The following SORBS2 variants were observed in gnomAD, a reference collection of about 807,000 sequenced individuals.
The protein encoded by SORBS2 is sorbin and SH3 domain-containing protein 2.
SORBS2 carries 46 observed loss-of-function variants against 97.7 expected under a neutral mutation model. The observed-to-expected ratio is 0.47, with a 90% CI of 0.37 to 0.60. SORBS2 has a LOEUF of 0.60. Ranked by LOEUF, SORBS2 falls within the 20% of genes least tolerant of loss-of-function variation. The probability of loss-of-function intolerance (pLI) is 0.00; values close to 1 mark genes in which losing one functional copy is unlikely to be tolerated. For synonymous variants in SORBS2, 476 were observed against 473.4 expected (o/e 1.01, Z -0.07); for missense variants, 1,316 against 1,282.3 (o/e 1.03, Z -0.40).
chr4:185,679,342 T>A (rs1245587236), intron 2 of SORBS2, among the ~76,000 whole-genome samples: 7 of 152,164 alleles, frequency 4.6e-5, no homozygotes, highest in African/African-American at 1.7e-4. Context: ...AGACTGAGTT[T>A]TTTTCCTATT....
intron 1 of SORBS2, among the ~76,000 whole-genome samples, chr4:185,793,444 T>C (rs1584936491): frequency 6.6e-6 from 1 of 152,254 alleles, no homozygotes; most frequent in South Asian, 2.1e-4. Context: ...GACCAGAAGA[T>C]ACAAGAGTGT....
At chr4:185,821,380 G>C (rs533039486) in intron 1 of SORBS2, among the ~76,000 whole-genome samples, 6 of 152,242 alleles carry the variant, frequency 3.9e-5, no homozygotes, top group Admixed American at 3.9e-4. Flanking sequence ...AGAACTTTGG[G>C]CCTTATCTTC....
At chr4:185,600,842 G>C (rs969800314) in intron 12 of SORBS2, among the ~76,000 whole-genome samples, 1 of 151,924 alleles carries the variant, frequency 6.6e-6, no homozygotes, top group Non-Finnish European at 1.5e-5. Flanking sequence ...AGGCCTTTTT[G>C]GGGGGAAACA....
chr4:185,801,680 C>A (rs986388607), intron 1 of SORBS2, among the ~76,000 whole-genome samples: 9 of 150,234 alleles, frequency 6.0e-5, no homozygotes, highest in Non-Finnish European at 1.2e-4. Flanking sequence ...CTCTCTCTCT[C>A]TCTCTCTCTC....
chr4:185,662,475 A>G (rs2097536446), intron 4 of SORBS2, among the ~76,000 whole-genome samples: 2 of 152,328 alleles, frequency 1.3e-5, no homozygotes, highest in South Asian at 4.1e-4. Flanking sequence ...GTGGTTAGGA[A>G]GAATGAAAGT....
intron 13 of SORBS2, among the ~76,000 whole-genome samples, chr4:185,592,524 C>A (rs528163325): frequency 6.6e-6 from 1 of 152,034 alleles, no homozygotes. Flanking sequence ...AATGACAAGT[C>A]GTATTTAGTG....
At chr4:185,668,007 C>T (rs2097646619) in intron 4 of SORBS2, among the ~76,000 whole-genome samples, 1 of 152,068 alleles carries the variant, frequency 6.6e-6, no homozygotes, top group Non-Finnish European at 1.5e-5. Flanking sequence ...AAGGATGTTT[C>T]CATGTAATAC....
At chr4:185,666,251 C>A in intron 4 of SORBS2, 3 of 1,024,256 alleles carry the variant, frequency 2.9e-6, no homozygotes, top group Non-Finnish European at 4.0e-6. Flanking sequence ...ATCCAATTAA[C>A]AAAAGTACCT....
At chr4:185,740,593 T>C (rs2098716394) in intron 2 of SORBS2, among the ~76,000 whole-genome samples, 2 of 152,056 alleles carry the variant, frequency 1.3e-5, no homozygotes, top group African/African-American at 4.8e-5. Context: ...AATAGGCAGC[T>C]CAGCCCAACA....
intron 1 of SORBS2, among the ~76,000 whole-genome samples, chr4:185,826,526 T>C (rs2153671862): frequency 6.6e-6 from 1 of 152,332 alleles, no homozygotes; most frequent in African/African-American, 2.4e-5. Flanking sequence ...TCCTGTGAGC[T>C]ACTGAGGATA....
At chr4:185,880,436 T>C (rs4343763) in intron 1 of SORBS2, among the ~76,000 whole-genome samples, 96,309 of 152,034 alleles carry the variant, frequency 0.63, 30,850 homozygotes, top group Middle Eastern at 0.74. Context: ...ATATTATGCC[T>C]TGTTGAAGCT....
At chr4:185,941,080 C>T (rs1271801809) in intron 1 of SORBS2, among the ~76,000 whole-genome samples, 4 of 152,128 alleles carry the variant, frequency 2.6e-5, no homozygotes, top group East Asian at 1.9e-4. Flanking sequence ...CCATGCCATT[C>T]GTCTACTTCG....
intron 1 of SORBS2, among the ~76,000 whole-genome samples, chr4:185,897,641 C>G (rs563360181): frequency 6.6e-6 from 1 of 152,300 alleles, no homozygotes; most frequent in South Asian, 2.1e-4. Flanking sequence ...ACCATAACTA[C>G]TGCAGTCTGA....
At chr4:185,687,341 T>A (rs1414815938) in intron 2 of SORBS2, among the ~76,000 whole-genome samples, 3 of 152,218 alleles carry the variant, frequency 2.0e-5, no homozygotes, top group Non-Finnish European at 4.4e-5. Flanking sequence ...CTGTAAATCA[T>A]TTTAGATCAG....
rs140942266 is a variant in SORBS2, at chr4:185,728,762, G to A, written c.-198+46465C>T. ...CATCTCCCAGGTTTCTCATTAAATC[G>A]CCCATTTAGTGTTTGGTTTCAGTGC... On this transcript the variant is annotated intron_variant, in intron 2 of 20. Transcript: ENST00000284776. Among the ~76,000 whole-genome samples the A allele has an allele frequency of 3.0e-3, 464 of 152,196 alleles. 4 individuals carry two copies. The highest frequency in any genetic ancestry group is 0.01 in the African/African-American group (428 of 41,502).
chr4:185,844,954 C>T (rs773525790), intron 1 of SORBS2, among the ~76,000 whole-genome samples: 3 of 151,228 alleles, frequency 2.0e-5, no homozygotes, highest in Non-Finnish European at 4.4e-5. Context: ...CTGGGGCTGG[C>T]GAAAGAGAAG....
chr4:185,658,849 AAATTTTTGTACAAAATACAAAC>A (rs2153471459), upstream of SORBS2, among the ~76,000 whole-genome samples: 1 of 151,862 alleles, frequency 6.6e-6, no homozygotes, highest in South Asian at 2.1e-4. Context: ...CCTGTACAAA[AAATTTTTGTACAAAATACAAAC>A]AATTTTTTGT....
intron 1 of SORBS2, among the ~76,000 whole-genome samples, chr4:185,821,611 AC>A (rs1226257744): frequency 6.6e-6 from 1 of 151,914 alleles, no homozygotes; most frequent in Non-Finnish European, 1.5e-5. Context: ...TTTAGTAGAG[AC>A]GGGGTTTCGC....
chr4:185,588,613 C>CCTCCTCCTCCTCCCTCCTT (rs2095847230), intron 14 of SORBS2, among the ~76,000 whole-genome samples: 2 of 150,648 alleles, frequency 1.3e-5, no homozygotes, highest in Non-Finnish European at 3.0e-5. Flanking sequence ...CCTCCCTCCT[C>CCTCCTCCTCCTCCCTCCTT]CTCCTCCTCC....
Sources: gnomAD v4.1 joint callset for allele counts (sites outside exome capture counted in the v4.1 genomes callset) on GRCh38, gnomAD v4.1.1 for gene constraint, MANE v1.5 for transcripts, NCBI Gene and HGNC (gene_info 2026-07-23, HGNC 2026-07-21) for gene names.